Variants in ALK observed in about 807,000 individuals in gnomAD.
ALK encodes ALK receptor tyrosine kinase, also known as ALK tyrosine kinase receptor.
In ALK, 74 loss-of-function variants were observed where a neutral mutation model predicts 163.1. The ratio of observed to expected loss-of-function variants is 0.45; its 90% CI spans 0.38 to 0.55. ALK has a LOEUF of 0.55. Among genes scored for constraint, ALK ranks in the 20% least tolerant of loss-of-function variants. ALK has a pLI of 0.00. For synonymous variants in ALK, 960 were observed against 843.2 expected, an observed-to-expected ratio of 1.14 and a Z score of -2.40; for missense variants, 2,063 against 2,105.3, an observed-to-expected ratio of 0.98 and a Z score of 0.39.
At chr2:29,368,442 A>G (rs1668564340) in intron 5 of ALK, among the ~76,000 whole-genome samples, 1 of 152,210 alleles carries the variant, frequency 6.6e-6, no homozygotes, top group South Asian at 2.1e-4. Context: ...GCAACAGGTA[A>G]TATAATAACA....
intron 3 of ALK, among the ~76,000 whole-genome samples, chr2:29,566,354 G>A (rs955683976): frequency 6.6e-6 from 1 of 152,196 alleles, no homozygotes; most frequent in Non-Finnish European, 1.5e-5. Flanking sequence ...GCTAACAATA[G>A]TAGCAACATC....
intron 4 of ALK, among the ~76,000 whole-genome samples, chr2:29,516,372 T>C (rs1672663963): frequency 6.6e-6 from 1 of 152,184 alleles, no homozygotes; most frequent in Non-Finnish European, 1.5e-5. Flanking sequence ...ATACCATATG[T>C]GGTGAGGCTT....
intron 7 of ALK, chr2:29,319,010 T>G (rs1666923285): frequency 6.4e-6 from 1 of 155,696 alleles, no homozygotes; most frequent in Non-Finnish European, 1.4e-5. Flanking sequence ...CCCTCCCCAT[T>G]TTCAGTCATG....
intron 11 of ALK, among the ~76,000 whole-genome samples, chr2:29,265,669 G>A (rs2148208526): frequency 6.6e-6 from 1 of 152,244 alleles, no homozygotes; most frequent in Admixed American, 6.5e-5. Context: ...ATCTTATTAT[G>A]AAGACACTGT....
At chr2:29,332,143 G>A (rs934381649) in intron 5 of ALK, among the ~76,000 whole-genome samples, 2 of 151,480 alleles carry the variant, frequency 1.3e-5, no homozygotes, top group South Asian at 2.1e-4. Flanking sequence ...AAAATTAGCC[G>A]GGTGTGATGG....
At chr2:29,342,488 G>T (rs1251511086) in intron 5 of ALK, among the ~76,000 whole-genome samples, 3 of 152,124 alleles carry the variant, frequency 2.0e-5, no homozygotes, top group Non-Finnish European at 4.4e-5. Flanking sequence ...TTTCAGTTTG[G>T]GAAGTTAAAA....
At chr2:29,503,261 T>A (rs1672233074) in intron 4 of ALK, among the ~76,000 whole-genome samples, 1 of 152,228 alleles carries the variant, frequency 6.6e-6, no homozygotes. Context: ...ACAAGTGGTA[T>A]TACGGGTCAC....
chr2:29,209,764 G>T (rs754974735), intron 25 of ALK, 22 bp downstream of exon 25: 7 of 1,582,472 alleles, frequency 4.4e-6, no homozygotes, highest in Non-Finnish European at 6.1e-6. Flanking sequence ...AGGCCCGGAG[G>T]GGTGAGGCAG....
At chr2:29,761,250 TAGTAA>T (rs1225699871) in intron 1 of ALK, among the ~76,000 whole-genome samples, 1 of 152,152 alleles carries the variant, frequency 6.6e-6, no homozygotes, top group Non-Finnish European at 1.5e-5. Flanking sequence ...ATTTGGGACG[TAGTAA>T]AGTAGATAGG....
At chr2:29,789,015 CTGTGTGTGTGTGTGTGTGTGTG>C (rs57619106) in intron 1 of ALK, among the ~76,000 whole-genome samples, 1 of 125,400 alleles carries the variant, frequency 8.0e-6, no homozygotes, top group Admixed American at 8.5e-5. Flanking sequence ...TCCTGGTACA[CTGTGTGTGTGTGTGTGTGTGTG>C]TGTGTGTGTG....
intron 3 of ALK, among the ~76,000 whole-genome samples, chr2:29,542,453 G>C (rs1225471428): frequency 6.6e-6 from 1 of 152,012 alleles, no homozygotes; most frequent in Admixed American, 6.6e-5. Flanking sequence ...ACCATCCTCA[G>C]GAAACTTCTT....
At chr2:29,808,863 C>G (rs1396384725) in intron 1 of ALK, among the ~76,000 whole-genome samples, 3 of 152,174 alleles carry the variant, frequency 2.0e-5, no homozygotes, top group African/African-American at 7.2e-5. Context: ...TGCCACGGCC[C>G]CAGTGACCTT....
chr2:29,303,916 T>C (rs1356709304), intron 8 of ALK, among the ~76,000 whole-genome samples: 4 of 152,158 alleles, frequency 2.6e-5, no homozygotes, highest in Admixed American at 1.3e-4. Context: ...GACGAAAAAC[T>C]ACCTACTGGG....
chr2:29,737,352 G>A (rs771027215), intron 1 of ALK, among the ~76,000 whole-genome samples: 1 of 152,074 alleles, frequency 6.6e-6, no homozygotes, highest in Non-Finnish European at 1.5e-5. Context: ...AAAAACAAAT[G>A]TAAAACTATT....
intron 1 of ALK, among the ~76,000 whole-genome samples, chr2:29,838,411 C>G (rs1238313672): frequency 1.3e-5 from 2 of 152,124 alleles, no homozygotes; most frequent in South Asian, 2.1e-4. Context: ...ATGGCTCTAC[C>G]AGGGCACATC....
intron 3 of ALK, among the ~76,000 whole-genome samples, chr2:29,628,273 T>A (rs1198729920): frequency 2.0e-5 from 3 of 152,224 alleles, no homozygotes; most frequent in Non-Finnish European, 4.4e-5. Context: ...CTATGAGCCT[T>A]ACATCCTCCC....
chr2:29,856,893 CTAGGATTCTGTAA>C lies in ALK; in HGVS notation c.667+63087_667+63099del, dbSNP rs1188387904. On this transcript the variant is annotated intron_variant, in intron 1 of 28. Coordinates refer to ENST00000389048, the MANE Select transcript of ALK (RefSeq NM_004304.5). The stretch of plus-strand genomic sequence containing the variant: ...GATGACCTCGCAGTTTCTCCCGCCT[CTAGGATTCTGTAA>C]TAGGATTCTGTAATAGGCACCGTTC... Among the ~76,000 whole-genome samples the C allele has an allele frequency of 2.0e-3, 303 of 152,334 alleles. 1 individual carries two copies. The highest frequency in any genetic ancestry group is 6.8e-3 in the Middle Eastern group (2 of 294).
At chr2:29,725,843 G>A (rs908133769) in intron 1 of ALK, among the ~76,000 whole-genome samples, 1 of 152,112 alleles carries the variant, frequency 6.6e-6, no homozygotes, top group East Asian at 1.9e-4. Context: ...AAGGCCATGT[G>A]ACAGCTGATG....
intron 4 of ALK, among the ~76,000 whole-genome samples, chr2:29,427,776 C>T (rs1347782803): frequency 1.3e-5 from 2 of 151,934 alleles, no homozygotes; most frequent in East Asian, 3.8e-4. Flanking sequence ...ATGGGGGAAA[C>T]AGAAACCCAA....
Sources: gnomAD v4.1 joint callset for allele counts (sites outside exome capture counted in the v4.1 genomes callset) on GRCh38, gnomAD v4.1.1 for gene constraint, MANE v1.5 for transcripts, NCBI Gene and HGNC (gene_info 2026-07-23, HGNC 2026-07-21) for gene names.